The following SHISA9 variants were observed in gnomAD, a reference collection of about 807,000 sequenced individuals.
SHISA9 encodes the protein shisa family member 9, also known as protein shisa-9.
In SHISA9, 13 loss-of-function variants were observed where a neutral mutation model predicts 38.0. That is an observed-to-expected ratio of 0.34 (90% confidence interval 0.22 to 0.54). SHISA9 has a LOEUF of 0.54. SHISA9 is among the 20% of genes least tolerant of loss of function. SHISA9 has a pLI of 0.91. For synonymous variants in SHISA9, 275 were observed against 242.0 expected, an observed-to-expected ratio of 1.14 and a Z score of -1.27; for missense variants, 538 against 575.8, an observed-to-expected ratio of 0.93 and a Z score of 0.67.
At chr16:13,440,264 C>G in the SHISA9 span, among the ~76,000 whole-genome samples, 5 of 152,176 alleles carry the variant, frequency 3.3e-5, no homozygotes, top group Admixed American at 3.3e-4. Context: ...CCTCTAATTC[C>G]CAGTCTTCAT....
intron 2 of SHISA9, among the ~76,000 whole-genome samples, chr16:13,025,320 C>CT (rs2072907626): frequency 6.6e-6 from 1 of 152,224 alleles, no homozygotes; most frequent in African/African-American, 2.4e-5. Flanking sequence ...TCAGGACACA[C>CT]TGCAGACCTG....
intron 4 of SHISA9, among the ~76,000 whole-genome samples, chr16:13,225,100 C>A (rs536499626): frequency 6.6e-6 from 1 of 152,186 alleles, no homozygotes; most frequent in African/African-American, 2.4e-5. Flanking sequence ...CATAAACACA[C>A]GCACACACAC....
At chr16:12,960,046 C>G (rs1199936136) in intron 2 of SHISA9, among the ~76,000 whole-genome samples, 1 of 152,108 alleles carries the variant, frequency 6.6e-6, no homozygotes, top group Non-Finnish European at 1.5e-5. Context: ...GAAGAAATGC[C>G]TTATAAATAG....
At chr16:13,275,337 A>G in the SHISA9 span, among the ~76,000 whole-genome samples, 1 of 152,182 alleles carries the variant, frequency 6.6e-6, no homozygotes, top group Non-Finnish European at 1.5e-5. Context: ...TTAGAGCTTC[A>G]GACTTTGCTT....
At chr16:13,159,850 A>G (rs1052446763) in intron 2 of SHISA9, among the ~76,000 whole-genome samples, 2 of 152,168 alleles carry the variant, frequency 1.3e-5, no homozygotes, top group African/African-American at 4.8e-5. Context: ...TGAAGCTCAT[A>G]TTGCTGCCTC....
intron 4 of SHISA9, among the ~76,000 whole-genome samples, chr16:13,217,772 G>A (rs1166399280): frequency 6.6e-6 from 1 of 152,196 alleles, no homozygotes; most frequent in African/African-American, 2.4e-5. Context: ...GCTCATGCCT[G>A]TAATCCCAGC....
the SHISA9 span, among the ~76,000 whole-genome samples, chr16:13,404,319 G>A: frequency 1.3e-5 from 2 of 152,276 alleles, no homozygotes; most frequent in East Asian, 1.9e-4. Flanking sequence ...AAAGAAATAC[G>A]AAAATGAAAC....
At chr16:13,490,824 A>G in the SHISA9 span, among the ~76,000 whole-genome samples, 1 of 152,200 alleles carries the variant, frequency 6.6e-6, no homozygotes, top group South Asian at 2.1e-4. Context: ...TGTCAGAGAA[A>G]CCAACCAAAG....
intron 2 of SHISA9, among the ~76,000 whole-genome samples, chr16:12,935,572 G>T (rs1333410076): frequency 1.3e-5 from 2 of 152,150 alleles, no homozygotes; most frequent in African/African-American, 4.8e-5. Context: ...GACAGGCCGG[G>T]CCCAGGGGCT....
intron 2 of SHISA9, among the ~76,000 whole-genome samples, chr16:12,968,826 T>C (rs1014337353): frequency 1.3e-5 from 2 of 152,130 alleles, no homozygotes; most frequent in African/African-American, 4.8e-5. Context: ...ATGATATATG[T>C]AAATGAGTGA....
At chr16:13,180,661 G>A (rs186931188) in intron 2 of SHISA9, among the ~76,000 whole-genome samples, 46 of 152,236 alleles carry the variant, frequency 3.0e-4, no homozygotes, top group African/African-American at 8.9e-4. Flanking sequence ...CTGCATCACC[G>A]CACTCCAGCC....
the SHISA9 span, among the ~76,000 whole-genome samples, chr16:13,503,043 A>T: frequency 1.3e-5 from 2 of 152,212 alleles, no homozygotes; most frequent in Non-Finnish European, 2.9e-5. Flanking sequence ...CTTAACAGGG[A>T]CGACATGGCA....
chr16:13,015,823 TTC>T (rs1166402684), intron 2 of SHISA9, among the ~76,000 whole-genome samples: 7 of 147,852 alleles, frequency 4.7e-5, no homozygotes, highest in Admixed American at 1.3e-4. Flanking sequence ...GTTTGTTTGT[TTC>T]TCTCTCTCTC....
At chr16:13,413,622 G>C in the SHISA9 span, among the ~76,000 whole-genome samples, 3 of 151,918 alleles carry the variant, frequency 2.0e-5, no homozygotes, top group African/African-American at 4.8e-5. Context: ...CGGGCGTGGT[G>C]GTGGGTGCCT....
chr16:12,950,550 C>T (rs1369285192), intron 2 of SHISA9, among the ~76,000 whole-genome samples: 1 of 151,922 alleles, frequency 6.6e-6, no homozygotes, highest in Non-Finnish European at 1.5e-5. Context: ...AGTACAGCCG[C>T]TGTGGAAAAC....
At chr16:13,193,101 C>A (rs755662901) in intron 2 of SHISA9, among the ~76,000 whole-genome samples, 1 of 152,148 alleles carries the variant, frequency 6.6e-6, no homozygotes, top group African/African-American at 2.4e-5. Context: ...TGGTTCAATG[C>A]GTGGTTCAAT....
chr16:13,421,330 T>C, the SHISA9 span, among the ~76,000 whole-genome samples: 1 of 152,196 alleles, frequency 6.6e-6, no homozygotes, highest in Non-Finnish European at 1.5e-5. Context: ...AGAGGTGTAA[T>C]TGGACTTACA....
chr16:13,354,889 A>G, the SHISA9 span, among the ~76,000 whole-genome samples: 3 of 152,064 alleles, frequency 2.0e-5, no homozygotes, highest in East Asian at 5.8e-4. Flanking sequence ...AGTTGAGGAA[A>G]AAATTTGGGC....
At chr16:13,424,426 C>T in the SHISA9 span, among the ~76,000 whole-genome samples, 4 of 152,206 alleles carry the variant, frequency 2.6e-5, no homozygotes, top group Non-Finnish European at 4.4e-5. Context: ...TGCTCCAAAC[C>T]CCTAGGCATC....
Sources: allele counts gnomAD v4.1 joint callset (sites outside exome capture counted in the v4.1 genomes callset), GRCh38; gene constraint gnomAD v4.1.1; transcripts MANE v1.5; gene names NCBI Gene and HGNC (gene_info 2026-07-23, HGNC 2026-07-21).